The following CD36 variants were observed in gnomAD, a reference collection of about 807,000 sequenced individuals.
The protein encoded by CD36 is platelet glycoprotein 4.
A neutral mutation model predicts 55.2 loss-of-function variants in CD36; 119 were observed. The observed-to-expected ratio is 2.15, with a 90% CI of 1.86 to 2.51. The LOEUF is 2.51. Among genes scored for constraint, CD36 ranks in the 30% most tolerant of loss-of-function variants. CD36 has a pLI of 0.00. For missense variants in CD36, 819 were observed against 555.5 expected (o/e 1.47, Z -4.77); for synonymous variants, 186 against 193.6 (o/e 0.96, Z 0.33).
At chr7:80,629,523 TC>T (rs1188116116) in intron 1 of CD36, among the ~76,000 whole-genome samples, 1 of 152,026 alleles carries the variant, frequency 6.6e-6, no homozygotes, top group Non-Finnish European at 1.5e-5. Flanking sequence ...TTCGAATCTT[TC>T]CCTCTGAACT....
At chr7:80,656,475 C>A in intron 3 of CD36, 65 bp from the exon 4 acceptor site, 1 of 1,483,060 alleles carries the variant, frequency 6.7e-7, no homozygotes, top group Non-Finnish European at 9.4e-7. Context: ...AGGCTGCAAA[C>A]AATCTTCCAG....
chr7:80,619,067 A>C (rs1201744574), intron 1 of CD36, among the ~76,000 whole-genome samples: 4 of 152,316 alleles, frequency 2.6e-5, no homozygotes, highest in Non-Finnish European at 4.4e-5. Flanking sequence ...TTTAAATTGA[A>C]ATCAATGCTT....
intron 3 of CD36, among the ~76,000 whole-genome samples, chr7:80,649,073 T>C (rs949174586): frequency 1.3e-4 from 20 of 152,138 alleles, no homozygotes; most frequent in Non-Finnish European, 2.8e-4. Flanking sequence ...GTGTAAGATA[T>C]GATAAAACCT....
At chr7:80,663,900 T>C (rs999521776) in intron 6 of CD36, among the ~76,000 whole-genome samples, 1 of 152,166 alleles carries the variant, frequency 6.6e-6, no homozygotes, top group African/African-American at 2.4e-5. Flanking sequence ...CAATTATAAA[T>C]GAATGTAGAA....
chr7:80,641,560 T>C (rs1482837236), intron 1 of CD36, among the ~76,000 whole-genome samples: 1 of 151,836 alleles, frequency 6.6e-6, no homozygotes, highest in Non-Finnish European at 1.5e-5. Flanking sequence ...GGCTTATAGA[T>C]AGAAAAAAAA....
intron 6 of CD36, among the ~76,000 whole-genome samples, chr7:80,663,616 A>G (rs955448642): frequency 1.3e-5 from 2 of 152,134 alleles, no homozygotes; most frequent in African/African-American, 4.8e-5. Flanking sequence ...TCACATCTCA[A>G]TACTGATAAG....
intron 8 of CD36, among the ~76,000 whole-genome samples, chr7:80,668,318 T>C (rs1383192050): frequency 6.6e-6 from 1 of 151,994 alleles, no homozygotes; most frequent in African/African-American, 2.4e-5. Flanking sequence ...ATGGGGAAAA[T>C]AGGGCTGATA....
intron 7 of CD36, among the ~76,000 whole-genome samples, chr7:80,665,574 T>C (rs1055479956): frequency 6.6e-6 from 1 of 152,092 alleles, no homozygotes; most frequent in Non-Finnish European, 1.5e-5. Flanking sequence ...ACAGCAATTT[T>C]TTATATTGAG....
At chr7:80,669,930 T>G in intron 8 of CD36, 23 bp from the exon 9 acceptor site, 1 of 1,570,042 alleles carries the variant, frequency 6.4e-7, no homozygotes. Context: ...CATCTAATCA[T>G]TTGCCACTCG....
chr7:80,622,260 G>C (rs997656998), intron 1 of CD36, among the ~76,000 whole-genome samples: 2 of 152,254 alleles, frequency 1.3e-5, no homozygotes, highest in Non-Finnish European at 2.9e-5. Context: ...CGAGACAAGA[G>C]CTTGGGAAAC....
chr7:80,666,868 A>G (rs1797141692), intron 8 of CD36, among the ~76,000 whole-genome samples: 1 of 152,238 alleles, frequency 6.6e-6, no homozygotes. Context: ...AAAAAAAGCT[A>G]ATTACAAAAT....
chr7:80,607,810 C>T (rs1383074939), intron 1 of CD36, among the ~76,000 whole-genome samples: 10 of 152,176 alleles, frequency 6.6e-5, no homozygotes, highest in African/African-American at 1.9e-4. Context: ...CTCACTCTGT[C>T]GCCCAGGCTG....
chr7:80,647,812 A>G (rs1489735424), intron 3 of CD36, among the ~76,000 whole-genome samples: 1 of 152,142 alleles, frequency 6.6e-6, no homozygotes, highest in Non-Finnish European at 1.5e-5. Context: ...ATTAAACATA[A>G]TACTGGCCAA....
chr7:80,671,666 GGAA>G (rs1445018272), intron 10 of CD36, among the ~76,000 whole-genome samples: 3 of 151,884 alleles, frequency 2.0e-5, no homozygotes, highest in African/African-American at 4.8e-5. Flanking sequence ...ACGTGGGTGT[GGAA>G]GAAGAAAGAA....
At chr7:80,649,967 A>G in intron 3 of CD36, among the ~76,000 whole-genome samples, 1 of 152,086 alleles carries the variant, frequency 6.6e-6, no homozygotes, top group East Asian at 1.9e-4. Flanking sequence ...TGATTAGAAC[A>G]TGGTCACCAA....
intron 1 of CD36, among the ~76,000 whole-genome samples, chr7:80,640,674 C>G (rs1794743227): frequency 6.6e-6 from 1 of 151,904 alleles, no homozygotes. Context: ...AAGAATGGGT[C>G]TAGATAATAC....
chr7:80,615,846 T>C (rs1176672033), intron 1 of CD36, among the ~76,000 whole-genome samples: 1 of 152,214 alleles, frequency 6.6e-6, no homozygotes, highest in East Asian at 1.9e-4. Flanking sequence ...CTTTCTTGGT[T>C]TCCATGATAG....
chr7:80,671,097 C>A lies in CD36; in HGVS notation c.939C>A (p.Cys313Ter), dbSNP rs762366674. 2.4e-5 allele frequency: 39 copies of A among 1,612,578 alleles called. No homozygotes were observed. The Middle Eastern group carries it at 1.5e-3, about 61-fold the overall frequency. The change falls in exon 10 of 15, where the codon TGC becomes TGA. Residue 313 changes from cysteine to a stop codon, truncating the protein, a stop_gained. Coordinates refer to ENST00000447544, the MANE Select transcript of CD36 (RefSeq NM_001001548.3). LOFTEE classifies it high-confidence loss of function. ...PVENPDNYCF[C>*]TEKIISKNCT... ...AAAACCCAGACAACTATTGTTTCTG[C>A]ACAGAAAAAATTATCTCAAAAAATT...
chr7:80,618,121 A>T (rs1584285036), intron 1 of CD36, among the ~76,000 whole-genome samples: 1 of 152,010 alleles, frequency 6.6e-6, no homozygotes, highest in Non-Finnish European at 1.5e-5. Flanking sequence ...ATATATTTAG[A>T]CCCTGCATTC....
Sources: gnomAD v4.1 joint callset for allele counts (sites outside exome capture counted in the v4.1 genomes callset) on GRCh38, gnomAD v4.1.1 for gene constraint, MANE v1.5 for transcripts, NCBI Gene and HGNC (gene_info 2026-07-23, HGNC 2026-07-21) for gene names.